The following CACNA2D3 variants were observed in gnomAD, a reference collection of about 807,000 sequenced individuals.
CACNA2D3 encodes voltage-dependent calcium channel subunit alpha-2/delta-3.
A neutral mutation model predicts 160.6 loss-of-function variants in CACNA2D3; 60 were observed. The observed-to-expected ratio is 0.37, with a 90% CI of 0.30 to 0.46. The LOEUF (loss-of-function observed/expected upper bound fraction) is 0.46, where lower values mean the gene tolerates loss of function less well. CACNA2D3 is among the 20% of genes least tolerant of loss of function. The pLI is 1.00. For missense variants in CACNA2D3, 1,205 were observed against 1,365.0 expected (o/e 0.88, Z 1.85); for synonymous variants, 558 against 492.9 (o/e 1.13, Z -1.75).
At chr3:54,354,318 C>T (rs185453184) in intron 3 of CACNA2D3, among the ~76,000 whole-genome samples, 1 of 152,208 alleles carries the variant, frequency 6.6e-6, no homozygotes, top group African/African-American at 2.4e-5. Context: ...GCCTTTTTGC[C>T]CTTCTGATGA....
At chr3:54,700,675 G>T (rs538903909) in intron 11 of CACNA2D3, among the ~76,000 whole-genome samples, 19 of 152,168 alleles carry the variant, frequency 1.2e-4, no homozygotes, top group African/African-American at 4.6e-4. Flanking sequence ...TAACCAGTTG[G>T]TAGAAGAATG....
At position 54,667,521 on chromosome 3, in the gene CACNA2D3, G is replaced by GCC. The variant is rs574365935; in HGVS notation, c.1167+25281_1167+25282dup. Among the ~76,000 whole-genome samples, 3 of 152,234 alleles carry GCC rather than the reference G, an allele frequency of 2.0e-5. No homozygotes were observed. In the South Asian group the frequency reaches 6.2e-4, roughly 32 times the overall value. On this transcript the variant is annotated intron_variant, in intron 11 of 37. Transcript: ENST00000474759. ...AGACAATATCCCTACCATCACTCAA[G>GCC]CCAGGGTATTGAACCTTGAAAACTG...
intron 25 of CACNA2D3, among the ~76,000 whole-genome samples, chr3:54,892,737 T>C (rs1700097416): frequency 6.6e-6 from 1 of 152,194 alleles, no homozygotes; most frequent in South Asian, 2.1e-4. Context: ...ATTCATTTTC[T>C]AATACTCATT....
At chr3:54,921,020 C>T (rs201287490) in intron 27 of CACNA2D3, among the ~76,000 whole-genome samples, 1 of 152,122 alleles carries the variant, frequency 6.6e-6, no homozygotes, top group Non-Finnish European at 1.5e-5. Flanking sequence ...GATCCTCAGC[C>T]GGGATGCAAC....
At chr3:54,486,482 G>A (rs1701017048) in intron 4 of CACNA2D3, among the ~76,000 whole-genome samples, 1 of 152,146 alleles carries the variant, frequency 6.6e-6, no homozygotes, top group African/African-American at 2.4e-5. Flanking sequence ...AACAAAAAGG[G>A]AATGTATTGA....
Position 54,382,700 on chromosome 3 carries a change from C to T in CACNA2D3, c.322-4015C>T, listed in dbSNP as rs1575425328. On this transcript the variant is annotated intron_variant, in intron 3 of 37. Transcript: ENST00000474759. ...TCAGGAGGCTGAGGCAGGAGAATAG[C>T]TTGAACCCAGGAGGCGGAGCTTGCA... Among the ~76,000 whole-genome samples the T allele has an allele frequency of 2.0e-5, 3 of 152,348 alleles. No individual in the cohort carries two copies. In the South Asian group the frequency reaches 6.2e-4, roughly 32 times the overall value.
intron 10 of CACNA2D3, 43 bp downstream of exon 10, chr3:54,627,919 A>C: frequency 7.7e-7 from 1 of 1,306,464 alleles, no homozygotes; most frequent in Non-Finnish European, 1.1e-6. Flanking sequence ...CTTGGAGAAT[A>C]GATGGGTGTT....
chr3:54,879,125 A>G, intron 19 of CACNA2D3, 36 bp downstream of exon 19: 1 of 1,346,046 alleles, frequency 7.4e-7, no homozygotes, highest in Non-Finnish European at 1.0e-6. Context: ...TGCTTAATTT[A>G]AAACAAACCA....
chr3:54,304,589 T>C (rs1480361925), intron 2 of CACNA2D3, among the ~76,000 whole-genome samples: 1 of 152,194 alleles, frequency 6.6e-6, no homozygotes, highest in Non-Finnish European at 1.5e-5. Context: ...TTTTCCCCCT[T>C]CTATTTGATT....
chr3:54,477,649 A>G (rs1042293883), intron 4 of CACNA2D3, among the ~76,000 whole-genome samples: 1 of 152,042 alleles, frequency 6.6e-6, no homozygotes, highest in Non-Finnish European at 1.5e-5. Flanking sequence ...ATCTTGATTT[A>G]AGTCATCATG....
chr3:54,998,818 C>T (rs1702918514), intron 31 of CACNA2D3, among the ~76,000 whole-genome samples: 1 of 152,108 alleles, frequency 6.6e-6, no homozygotes. Context: ...GTGGTCTCAG[C>T]TCACTGAAAG....
At chr3:54,353,790 C>A (rs1457508126) in intron 3 of CACNA2D3, among the ~76,000 whole-genome samples, 1 of 152,182 alleles carries the variant, frequency 6.6e-6, no homozygotes, top group Non-Finnish European at 1.5e-5. Flanking sequence ...GGCTTCTTGC[C>A]ACCTGGTCCT....
intron 11 of CACNA2D3, among the ~76,000 whole-genome samples, chr3:54,685,620 TA>T (rs1700435854): frequency 6.6e-6 from 1 of 152,238 alleles, no homozygotes; most frequent in African/African-American, 2.4e-5. Flanking sequence ...AATGTAATCT[TA>T]ACCTCCGTTG....
intron 9 of CACNA2D3, among the ~76,000 whole-genome samples, chr3:54,608,357 C>G (rs1302659461): frequency 6.6e-6 from 1 of 152,078 alleles, no homozygotes; most frequent in Non-Finnish European, 1.5e-5. Flanking sequence ...TTAAACATTC[C>G]CCTAATAGCA....
chr3:54,644,022 C>T (rs954221674), intron 11 of CACNA2D3, among the ~76,000 whole-genome samples: 2 of 152,080 alleles, frequency 1.3e-5, no homozygotes, highest in African/African-American at 4.8e-5. Context: ...TCATGTGAGT[C>T]TCACATGTTG....
chr3:55,030,816 C>T (rs1351806541), intron 35 of CACNA2D3, among the ~76,000 whole-genome samples: 3 of 152,090 alleles, frequency 2.0e-5, no homozygotes, highest in Non-Finnish European at 4.4e-5. Context: ...GTAGGTGTTG[C>T]TATCTTTACT....
chr3:54,260,208 A>G (rs1648437389), intron 2 of CACNA2D3, among the ~76,000 whole-genome samples: 1 of 152,130 alleles, frequency 6.6e-6, no homozygotes, highest in Non-Finnish European at 1.5e-5. Flanking sequence ...TTCTCTGGGA[A>G]CTAGACCCCT....
Position 54,562,789 on chromosome 3 carries a change from C to CT in CACNA2D3, c.545-5dup. The CT allele has an allele frequency of 1.2e-6, 2 of 1,609,198 alleles. No individual in the cohort carries two copies. The highest frequency in any genetic ancestry group is 1.7e-6 in the Non-Finnish European group (2 of 1,176,480). ...CTAATACACCCCTCTCTCTCTCTTT[C>CT]TTTTTTACAGACCCTGCAATTGTCA... On this transcript the variant is annotated splice_polypyrimidine_tract_variant and intron_variant, in intron 5 of 37. Transcript: ENST00000474759.
chr3:54,682,177 A>G (rs1239737154), intron 11 of CACNA2D3, among the ~76,000 whole-genome samples: 2 of 152,004 alleles, frequency 1.3e-5, no homozygotes, highest in African/African-American at 4.8e-5. Context: ...ACACACACAC[A>G]CACACACACA....
Sources: gnomAD v4.1 joint callset for allele counts (sites outside exome capture counted in the v4.1 genomes callset) on GRCh38, gnomAD v4.1.1 for gene constraint, MANE v1.5 for transcripts, NCBI Gene and HGNC (gene_info 2026-07-23, HGNC 2026-07-21) for gene names.